The following VAPA variants were observed in gnomAD, a reference collection of about 807,000 sequenced individuals.
VAPA encodes VAMP associated protein A, also known as vesicle-associated membrane protein-associated protein A.
VAPA carries 6 observed loss-of-function variants against 25.6 expected under a neutral mutation model. The ratio of observed to expected loss-of-function variants is 0.23; its 90% CI spans 0.13 to 0.46. The LOEUF is 0.46. VAPA is among the 20% of genes least tolerant of loss of function. The probability of loss-of-function intolerance (pLI) is 0.99; values close to 1 mark genes in which losing one functional copy is unlikely to be tolerated. For missense variants in VAPA, 244 were observed against 302.1 expected (o/e 0.81, Z 1.43); for synonymous variants, 112 against 106.2 (o/e 1.05, Z -0.34).
chr18:9,934,938 C>CA (rs1424838137), intron 2 of VAPA, among the ~76,000 whole-genome samples: 1 of 151,408 alleles, frequency 6.6e-6, no homozygotes, highest in Non-Finnish European at 1.5e-5. Context: ...ACTAAAAATA[C>CA]AAAAAAATTA....
chr18:9,923,857 C>G (rs1393049521), intron 1 of VAPA: 1 of 152,292 alleles, frequency 6.6e-6, no homozygotes, highest in South Asian at 2.1e-4. Context: ...GTTTAAAAGT[C>G]CCTTGTTATA....
intron 1 of VAPA, 34 bp downstream of exon 1, chr18:9,914,369 G>T: frequency 1.3e-6 from 2 of 1,543,420 alleles, no homozygotes; most frequent in East Asian, 2.7e-5. Context: ...GGGTGGGGTG[G>T]GGCGCGCGGA....
At chr18:9,938,038 A>G (rs1260721982) in intron 4 of VAPA, among the ~76,000 whole-genome samples, 3 of 152,218 alleles carry the variant, frequency 2.0e-5, no homozygotes, top group African/African-American at 4.8e-5. Context: ...TTGTGAACAC[A>G]TGTATTCTCT....
chr18:9,942,255 A>G (rs2069373354), intron 4 of VAPA, among the ~76,000 whole-genome samples: 1 of 152,234 alleles, frequency 6.6e-6, no homozygotes, highest in Admixed American at 6.5e-5. Flanking sequence ...ATCACCTCAG[A>G]TAAGCACCAT....
At chr18:9,932,974 G>T (rs188701578) in intron 2 of VAPA, among the ~76,000 whole-genome samples, 1 of 152,090 alleles carries the variant, frequency 6.6e-6, no homozygotes, top group Non-Finnish European at 1.5e-5. Flanking sequence ...CGGGTGTGGT[G>T]GTGGGCGCCT....
intron 4 of VAPA, among the ~76,000 whole-genome samples, chr18:9,942,711 G>A (rs1347386444): frequency 1.3e-5 from 2 of 152,124 alleles, no homozygotes; most frequent in Non-Finnish European, 2.9e-5. Context: ...GCCTCACGTG[G>A]TGGGAACAGG....
At chr18:9,916,256 G>T (rs878895220) in intron 1 of VAPA, among the ~76,000 whole-genome samples, 1 of 152,122 alleles carries the variant, frequency 6.6e-6, no homozygotes, top group Non-Finnish European at 1.5e-5. Flanking sequence ...TTTTTTGGGG[G>T]TGTTGGAGAA....
At chr18:9,947,641 C>T (rs2069439524) in intron 4 of VAPA, 1 of 152,194 alleles carries the variant, frequency 6.6e-6, no homozygotes, top group African/African-American at 2.4e-5. Flanking sequence ...TACTAAGAGT[C>T]ACAGCATGTT....
intron 1 of VAPA, among the ~76,000 whole-genome samples, chr18:9,922,603 C>T (rs987260227): frequency 1.3e-5 from 2 of 151,976 alleles, no homozygotes; most frequent in Non-Finnish European, 1.5e-5. Flanking sequence ...TGATGGCTCA[C>T]CTTGAAACAC....
At chr18:9,943,840 C>CTTTTTTTTTTTTTTTTTTTTTTTTTTT (rs1281083775) in intron 4 of VAPA, among the ~76,000 whole-genome samples, 1 of 90,446 alleles carries the variant, frequency 1.1e-5, no homozygotes, top group Non-Finnish European at 2.4e-5. Flanking sequence ...GACATATTTC[C>CTTTTTTTTTTTTTTTTTTTTTTTTTTT]CTTTTTTTTT....
At chr18:9,931,714 T>A in intron 1 of VAPA, 96 bp from the exon 2 acceptor site, 1 of 1,070,732 alleles carries the variant, frequency 9.3e-7, no homozygotes, top group South Asian at 1.8e-5. Flanking sequence ...TGTCAGCACT[T>A]AATTAAAATT....
At chr18:9,949,657 G>C (rs991581972) in intron 4 of VAPA, 2 of 152,214 alleles carry the variant, frequency 1.3e-5, no homozygotes, top group African/African-American at 4.8e-5. Flanking sequence ...GCTACGATGT[G>C]TGGTGACATA....
intron 4 of VAPA, among the ~76,000 whole-genome samples, chr18:9,939,742 G>T (rs2069348551): frequency 6.6e-6 from 1 of 152,006 alleles, no homozygotes; most frequent in Non-Finnish European, 1.5e-5. Flanking sequence ...AACATTTTTG[G>T]TTTTCACAAC....
In VAPA at chr18:9,958,186, T is replaced by G. The variant is rs1008595066; in HGVS notation, c.*3975T>G. On this transcript the variant is annotated 3_prime_UTR_variant, in exon 6 of 6. Coordinates refer to ENST00000400000, the MANE Select transcript of VAPA (RefSeq NM_194434.3). Reference sequence around the variant, plus strand: ...TCACTAATTATAAGTTGTATCCTATTTTTTTCCAGCTTAATTTCTGTGGTT... The same window carrying G: ...TCACTAATTATAAGTTGTATCCTATGTTTTTCCAGCTTAATTTCTGTGGTT... 5 of 152,260 alleles carry G rather than the reference T, an allele frequency of 3.3e-5. No individual in the cohort carries two copies. The highest frequency in any genetic ancestry group is 5.9e-5 in the Non-Finnish European group (4 of 68,042). 9.4% of individuals were successfully genotyped at this position (152,260 alleles called of 1,614,324 possible).
At chr18:9,918,479 A>T (rs919501472) in intron 1 of VAPA, among the ~76,000 whole-genome samples, 1 of 152,050 alleles carries the variant, frequency 6.6e-6, no homozygotes, top group African/African-American at 2.4e-5. Flanking sequence ...TTTTTATCTT[A>T]CTTGACCTCC....
At chr18:9,947,700 T>G (rs1228144682) in intron 4 of VAPA, 3 of 152,230 alleles carry the variant, frequency 2.0e-5, no homozygotes, top group Non-Finnish European at 4.4e-5. Flanking sequence ...AACCAGTCTT[T>G]TCTTTCTGGA....
intron 5 of VAPA, among the ~76,000 whole-genome samples, chr18:9,952,434 G>A (rs1339357466): frequency 6.6e-6 from 1 of 151,986 alleles, no homozygotes; most frequent in Non-Finnish European, 1.5e-5. Context: ...GGGTGTGGTG[G>A]TGGGTGCCTG....
At chr18:9,935,334 G>T (rs1403605591) in intron 2 of VAPA, among the ~76,000 whole-genome samples, 1 of 152,172 alleles carries the variant, frequency 6.6e-6, no homozygotes. Flanking sequence ...CACTTCGGGA[G>T]GCTGAGGAGG....
intron 4 of VAPA, among the ~76,000 whole-genome samples, chr18:9,945,592 G>T (rs2069414784): frequency 6.6e-6 from 1 of 151,780 alleles, no homozygotes; most frequent in Admixed American, 6.6e-5. Flanking sequence ...ATTAAACTCC[G>T]ACCTCAGGTG....
Sources: gnomAD v4.1 joint callset for allele counts (sites outside exome capture counted in the v4.1 genomes callset) on GRCh38, gnomAD v4.1.1 for gene constraint, MANE v1.5 for transcripts, NCBI Gene and HGNC (gene_info 2026-07-23, HGNC 2026-07-21) for gene names.